Variants in FILIP1 observed in about 807,000 individuals in gnomAD.
FILIP1 encodes the protein filamin-A-interacting protein 1.
A neutral mutation model predicts 102.1 loss-of-function variants in FILIP1; 61 were observed. The ratio of observed to expected loss-of-function variants is 0.60; its 90% confidence interval spans 0.49 to 0.74. FILIP1 has a LOEUF of 0.74. Ranked by LOEUF, FILIP1 falls within the 30% of genes least tolerant of loss-of-function variation. FILIP1 has a pLI of 0.00. For synonymous variants in FILIP1, 491 were observed against 526.9 expected (o/e 0.93, Z 0.93); for missense variants, 1,314 against 1,441.2 (o/e 0.91, Z 1.43).
intron 1 of FILIP1, among the ~76,000 whole-genome samples, chr6:75,436,791 G>A (rs1469664766): frequency 6.6e-6 from 1 of 152,132 alleles, no homozygotes; most frequent in East Asian, 1.9e-4. Flanking sequence ...ACAAACAATG[G>A]GAAATGATGT....
At chr6:75,352,918 C>T (rs1437895627) in intron 4 of FILIP1, among the ~76,000 whole-genome samples, 2 of 151,282 alleles carry the variant, frequency 1.3e-5, no homozygotes, top group Middle Eastern at 3.4e-3. Context: ...GAAGCACCTA[C>T]ATTTGAAAAG....
chr6:75,435,328 A>G (rs1482677039), intron 1 of FILIP1, among the ~76,000 whole-genome samples: 2 of 152,202 alleles, frequency 1.3e-5, no homozygotes, highest in African/African-American at 2.4e-5. Context: ...AGGTCCCTAC[A>G]GATTTGTTCA....
At chr6:75,311,118 A>G (rs928018771) in intron 5 of FILIP1, among the ~76,000 whole-genome samples, 2 of 152,180 alleles carry the variant, frequency 1.3e-5, no homozygotes, top group African/African-American at 2.4e-5. Context: ...TACATTTGCC[A>G]ATTTGCCACC....
intron 4 of FILIP1, among the ~76,000 whole-genome samples, chr6:75,321,279 T>C (rs564597863): frequency 1.3e-5 from 2 of 152,290 alleles, no homozygotes; most frequent in East Asian, 3.9e-4. Context: ...CACCCACAGT[T>C]GGATCAAAAT....
chr6:75,492,092 C>G (rs972033174), intron 1 of FILIP1, among the ~76,000 whole-genome samples: 1 of 152,120 alleles, frequency 6.6e-6, no homozygotes, highest in Admixed American at 6.6e-5. Flanking sequence ...GTAAACTTAC[C>G]AGAGTGCATT....
At chr6:75,338,113 C>G (rs181555070) in intron 4 of FILIP1, among the ~76,000 whole-genome samples, 10 of 152,226 alleles carry the variant, frequency 6.6e-5, no homozygotes, top group Admixed American at 4.6e-4. Flanking sequence ...ATAAAAGGAA[C>G]TCTCAGTGAC....
chr6:75,334,982 G>A lies in FILIP1; in HGVS notation c.629+18557C>T, dbSNP rs548867940. On this transcript the variant is annotated intron_variant, in intron 4 of 5. Coordinates refer to ENST00000237172, the MANE Select transcript of FILIP1 (RefSeq NM_015687.5). ...AATTACGCTCCACACTAAGGGAAAT[G>A]CATTGGGAGAGGGATACATTTGGGG... Among the ~76,000 whole-genome samples, 13 of 152,278 alleles carry A rather than the reference G, an allele frequency of 8.5e-5. No homozygotes were observed. In the South Asian group the frequency reaches 1.0e-3, roughly 12 times the overall value.
chr6:75,314,420 T>A lies in FILIP1; in HGVS notation c.1412A>T (p.Glu471Val). Residue 471 changes from glutamate to valine, a missense_variant, in exon 5 of 6, where the codon GAG (glutamate) becomes GTG (valine). Coordinates refer to ENST00000237172, the MANE Select transcript of FILIP1 (RefSeq NM_015687.5). The stretch of plus-strand genomic sequence containing the variant: ...TTCTTTAACTCGACTCTTGACCACC[T>A]CCAATTCATTTAGCAGGTCTTTGGT... ...NLTKDLLNEL[E>V]VVKSRVKELE... 3 of 1,556,570 alleles carry A rather than the reference T, an allele frequency of 1.9e-6. No individual in the cohort carries two copies. The highest frequency in any genetic ancestry group is 2.6e-6 in the Non-Finnish European group (3 of 1,158,954).
chr6:75,301,014 TTAAGTAATGGAAAAATAGG>T (rs1772822949), intron 6 of FILIP1, among the ~76,000 whole-genome samples: 1 of 152,152 alleles, frequency 6.6e-6, no homozygotes, highest in Non-Finnish European at 1.5e-5. Flanking sequence ...TAAATAAAAA[TTAAGTAATGGAAAAATAGG>T]TAAGTATTTG....
intron 1 of FILIP1, among the ~76,000 whole-genome samples, chr6:75,439,182 C>T (rs1304746386): frequency 6.6e-6 from 1 of 152,108 alleles, no homozygotes; most frequent in African/African-American, 2.4e-5. Flanking sequence ...CTGGCTAACA[C>T]GGTGAAACCC....
intron 1 of FILIP1, among the ~76,000 whole-genome samples, chr6:75,425,251 C>T (rs1434825884): frequency 6.6e-6 from 1 of 152,162 alleles, no homozygotes; most frequent in African/African-American, 2.4e-5. Flanking sequence ...TACTGTCAAG[C>T]AATCAGCATA....
At chr6:75,491,483 C>T (rs909632448) in intron 1 of FILIP1, among the ~76,000 whole-genome samples, 1 of 152,104 alleles carries the variant, frequency 6.6e-6, no homozygotes, top group Admixed American at 6.6e-5. Flanking sequence ...TAAAACCAAT[C>T]TCGTGGTCAT....
intron 6 of FILIP1, among the ~76,000 whole-genome samples, chr6:75,299,071 T>TA (rs397940703): frequency 0.029 from 4,182 of 145,620 alleles, 188 homozygotes; most frequent in African/African-American, 0.092. Context: ...ATTATTTGTG[T>TA]AAAAAAAAAA....
chr6:75,395,193 C>T (rs1776419347), intron 2 of FILIP1, among the ~76,000 whole-genome samples: 1 of 152,064 alleles, frequency 6.6e-6, no homozygotes, highest in African/African-American at 2.4e-5. Flanking sequence ...ATAGTATATG[C>T]TTCCATATAT....
chr6:75,480,410 C>CT (rs911876671), intron 1 of FILIP1, among the ~76,000 whole-genome samples: 63 of 131,078 alleles, frequency 4.8e-4, no homozygotes, highest in East Asian at 1.2e-3. Flanking sequence ...GTTTAAAATT[C>CT]TTTTTTTTTT....
chr6:75,368,803 T>C (rs2703700), intron 2 of FILIP1, among the ~76,000 whole-genome samples: 5,761 of 152,286 alleles, frequency 0.038, 383 homozygotes, highest in African/African-American at 0.13. Context: ...GCAATGAGTT[T>C]GGATTTTGTC....
chr6:75,325,429 A>G (rs1011222815), intron 4 of FILIP1, among the ~76,000 whole-genome samples: 17 of 152,210 alleles, frequency 1.1e-4, no homozygotes, highest in Non-Finnish European at 2.4e-4. Context: ...CTCAAAAAAC[A>G]AAACAAAACA....
chr6:75,488,012 A>G (rs1779842290), intron 1 of FILIP1, among the ~76,000 whole-genome samples: 2 of 152,126 alleles, frequency 1.3e-5, no homozygotes, highest in African/African-American at 4.8e-5. Flanking sequence ...ATCACTCGAG[A>G]TAATTTCTGC....
Position 75,314,590 on chromosome 6 carries a change from T to C in FILIP1, c.1242A>G (p.Glu414=). Residue 414 remains glutamate, a synonymous_variant, in exon 5 of 6, where the codon GAA becomes GAG. Transcript: ENST00000237172. The part of the protein sequence containing the change: ...CRELRKKLQE[E]EHHSKELRLE... ...GTCTGAGCTCCTTACTATGGTGTTC[T>C]TCCTCTTGCAGCTTCTTCCTCAATT... is the stretch of plus-strand genomic sequence containing the variant. 6.2e-7 allele frequency: 1 copy of C among 1,613,942 alleles called. No individual in the cohort carries two copies. The highest frequency in any genetic ancestry group is 8.5e-7 in the Non-Finnish European group (1 of 1,179,986).
Sources: gnomAD v4.1 joint callset for allele counts (sites outside exome capture counted in the v4.1 genomes callset) on GRCh38, gnomAD v4.1.1 for gene constraint, MANE v1.5 for transcripts, NCBI Gene and HGNC (gene_info 2026-07-23, HGNC 2026-07-21) for gene names.